Variants in SESN1 observed in about 807,000 individuals in gnomAD.
SESN1 encodes the protein sestrin-1.
A neutral mutation model predicts 59.3 loss-of-function variants in SESN1; 30 were observed. That is an observed-to-expected ratio of 0.51 (90% CI 0.38 to 0.69). SESN1 has a LOEUF of 0.69. Among genes scored for constraint, SESN1 ranks in the 30% least tolerant of loss-of-function variants. SESN1 has a pLI of 0.00. For missense variants in SESN1, 566 were observed against 673.0 expected (o/e 0.84, Z 1.76); for synonymous variants, 197 against 219.9 (o/e 0.90, Z 0.92).
In SESN1 at chr6:108,998,705, A is replaced by G. The variant is rs1331765617; in HGVS notation, c.780T>C (p.His260=). 1.2e-6 allele frequency: 2 copies of G among 1,613,884 alleles called. No individual in the cohort carries two copies. The highest frequency in any genetic ancestry group is 1.7e-6 in the Non-Finnish European group (2 of 1,179,770). The part of the protein sequence containing the change: ...EHSWSLAELV[H]AVVLLTHYHS... ...GATAGTGTGTGAGTAAAACTACTGCATGTACCAATTCCGCAAGGGACCAGC... is the reference window on the plus strand; with the variant it reads ...GATAGTGTGTGAGTAAAACTACTGCGTGTACCAATTCCGCAAGGGACCAGC... Residue 260 remains histidine, a synonymous_variant, in exon 5 of 10, where the codon CAT becomes CAC. Coordinates refer to ENST00000436639, the MANE Select transcript of SESN1 (RefSeq NM_014454.3).
Position 108,988,674 on chromosome 6 carries a change from C to A in SESN1, c.1438G>T (p.Asp480Tyr). The A allele has an allele frequency of 1.2e-6, 2 of 1,605,606 alleles. No individual in the cohort carries two copies. The highest frequency in any genetic ancestry group is 2.2e-5 in the South Asian group (2 of 89,646). The change falls in exon 9 of 10, where the codon GAC (aspartate) becomes TAC (tyrosine). Residue 480 changes from aspartate (D) to tyrosine (Y), a missense_variant. Asp to Tyr is a radical substitution (Grantham distance 160, BLOSUM62 -3). Transcript: ENST00000436639. ...AATAGCTGGTTAATTTCACCATAGT[C>A]ATAATCATCATATCTGTTGAAAGAC... ...CMFGIRYDDY[D>Y]YGEINQLLDR...
chr6:109,042,995 T>C (rs1439745765), intron 1 of SESN1, among the ~76,000 whole-genome samples: 1 of 152,032 alleles, frequency 6.6e-6, no homozygotes, highest in Non-Finnish European at 1.5e-5. Flanking sequence ...GCATTATATA[T>C]CAAGATTTAG....
chr6:109,079,150 G>A (rs1345886794), intron 1 of SESN1, among the ~76,000 whole-genome samples: 4 of 150,906 alleles, frequency 2.7e-5, no homozygotes, highest in African/African-American at 9.8e-5. Flanking sequence ...ATTCTAGCCT[G>A]GGGTCAAATT....
chr6:109,072,668 T>C (rs536716147), intron 1 of SESN1, among the ~76,000 whole-genome samples: 1 of 152,360 alleles, frequency 6.6e-6, no homozygotes, highest in African/African-American at 2.4e-5. Context: ...CTTTTGATTC[T>C]TGATGCCTCA....
intron 1 of SESN1, among the ~76,000 whole-genome samples, chr6:109,084,529 G>A (rs927602341): frequency 8.6e-5 from 13 of 151,906 alleles, no homozygotes; most frequent in Middle Eastern, 3.4e-3. Context: ...CTCCAGCCTG[G>A]GCAACAAGAG....
chr6:109,023,608 C>CAA (rs1780043336), intron 1 of SESN1, among the ~76,000 whole-genome samples: 1 of 152,142 alleles, frequency 6.6e-6, no homozygotes, highest in Non-Finnish European at 1.5e-5. Context: ...TGTTTGGGGA[C>CAA]ATATGTTTAT....
rs566098244 is a variant in SESN1, at chr6:109,069,371, A to C, written c.279+24424T>G. ...CTAAAAGAATAAGAATGAGACTGGC[A>C]TAAGACTTCTCATTATAAACACCAG... On this transcript the variant is annotated intron_variant, in intron 1 of 9. Coordinates refer to ENST00000436639, the MANE Select transcript of SESN1 (RefSeq NM_014454.3). Among the ~76,000 whole-genome samples, 3 of 152,324 alleles carry C rather than the reference A, an allele frequency of 2.0e-5. No individual in the cohort carries two copies. In the South Asian group the frequency reaches 6.2e-4, roughly 32 times the overall value.
chr6:109,041,086 A>T (rs1188942354), intron 1 of SESN1, among the ~76,000 whole-genome samples: 1 of 151,656 alleles, frequency 6.6e-6, no homozygotes, highest in Non-Finnish European at 1.5e-5. Flanking sequence ...GATTAGCATG[A>T]GCCCAGGAGT....
intron 1 of SESN1, among the ~76,000 whole-genome samples, chr6:109,010,614 A>T (rs1318956384): frequency 1.3e-5 from 2 of 152,230 alleles, no homozygotes; most frequent in Non-Finnish European, 2.9e-5. Context: ...TCATGTTTAA[A>T]GTGGCATGTC....
chr6:109,051,249 A>G (rs1281501531), intron 1 of SESN1, among the ~76,000 whole-genome samples: 2 of 152,224 alleles, frequency 1.3e-5, no homozygotes, highest in Non-Finnish European at 2.9e-5. Flanking sequence ...TTTATAAAAC[A>G]GCAGGGTGCA....
intron 1 of SESN1, among the ~76,000 whole-genome samples, chr6:109,037,846 A>ATTTTTATCTAAATGACTAGGTTTCT (rs1157098782): frequency 1.3e-4 from 20 of 152,344 alleles, no homozygotes; most frequent in African/African-American, 4.6e-4. Flanking sequence ...TAAAAATAGT[A>ATTTTTATCTAAATGACTAGGTTTCT]AAATGATACC....
chr6:109,084,391 T>C (rs1026748198), intron 1 of SESN1, among the ~76,000 whole-genome samples: 5 of 152,050 alleles, frequency 3.3e-5, no homozygotes, highest in South Asian at 2.1e-4. Flanking sequence ...TGAAACCCCA[T>C]CTCTACTAAA....
rs1779124948 is a variant in SESN1 at position 108,984,362 on chromosome 6, CG to C, written c.*3181del. Among the ~76,000 whole-genome samples, 1 of 152,100 alleles carries C rather than the reference CG, an allele frequency of 6.6e-6. No individual in the cohort carries two copies. On this transcript the variant is annotated 3_prime_UTR_variant, in exon 10 of 10. Transcript: ENST00000436639. The stretch of plus-strand genomic sequence containing the variant: ...TCACAGTTTTGGAGGCTGGGAAGTC[CG>C]ATATCAAGGATTTAGTGCCTAGTGA...
intron 1 of SESN1, among the ~76,000 whole-genome samples, chr6:109,062,178 C>T (rs147156829): frequency 1.8e-4 from 28 of 152,288 alleles, no homozygotes; most frequent in African/African-American, 5.3e-4. Flanking sequence ...GCATGAGCCA[C>T]CATGCCCAGC....
Position 109,000,482 on chromosome 6 carries a change from ACTG to A in SESN1, c.729+6_729+8del. 6.6e-7 allele frequency: 1 copy of A among 1,520,726 alleles called. No homozygotes were observed. Among genetic ancestry groups the A allele is most frequent in the Non-Finnish European group, 8.8e-7 (1 of 1,131,312 alleles). The allele number at this position is 1,520,726 out of a possible 1,614,324, so 94.2% of individuals were successfully genotyped here. ...AATGACTCCCAAGATATATTACCCC[ACTG>A]CTTACCTCAATGTGTTCTTTGGTAA... is the stretch of plus-strand genomic sequence containing the variant. On this transcript the variant is annotated splice_donor_region_variant and intron_variant, in intron 4 of 9. Transcript: ENST00000436639.
At chr6:109,048,574 C>T (rs1780489662) in intron 1 of SESN1, among the ~76,000 whole-genome samples, 1 of 152,166 alleles carries the variant, frequency 6.6e-6, no homozygotes, top group African/African-American at 2.4e-5. Flanking sequence ...CCTCTAACCT[C>T]TGAGAGGAGT....
At chr6:108,993,984 T>A (rs1451054646) in intron 6 of SESN1, among the ~76,000 whole-genome samples, 1 of 151,142 alleles carries the variant, frequency 6.6e-6, no homozygotes, top group East Asian at 1.9e-4. Context: ...CAAAAAAAAT[T>A]AAAAAATTAA....
intron 1 of SESN1, among the ~76,000 whole-genome samples, chr6:109,084,298 C>T (rs941781505): frequency 1.4e-4 from 21 of 152,252 alleles, no homozygotes; most frequent in South Asian, 6.2e-4. Context: ...CAGTGGCTCA[C>T]GCCTGTAATC....
intron 1 of SESN1, among the ~76,000 whole-genome samples, chr6:109,002,623 T>C (rs1485883183): frequency 6.6e-6 from 1 of 152,190 alleles, no homozygotes; most frequent in Admixed American, 6.5e-5. Flanking sequence ...GTTCAGCACA[T>C]AGCAGCCAAC....
Sources: allele counts gnomAD v4.1 joint callset (sites outside exome capture counted in the v4.1 genomes callset), GRCh38; gene constraint gnomAD v4.1.1; transcripts MANE v1.5; gene names NCBI Gene and HGNC (gene_info 2026-07-23, HGNC 2026-07-21).